IL9R: variants seen among roughly 807,000 people sequenced by gnomAD.
IL9R encodes the protein interleukin 9 receptor.
Under a neutral mutation model 56.3 loss-of-function variants are expected in IL9R, and 54 were observed. The observed-to-expected ratio is 0.96, with a 90% CI of 0.77 to 1.20. IL9R has a LOEUF of 1.20. Ranked by LOEUF, IL9R falls within the 50% of genes most tolerant of loss-of-function variation. The pLI is 0.00. For missense variants in IL9R, 545 were observed against 629.8 expected (o/e 0.87, Z 1.44); for synonymous variants, 212 against 250.2 (o/e 0.85, Z 1.44).
intron 2 of IL9R, 70 bp downstream of exon 2, chrX:156,003,089 T>G: frequency 6.3e-7 from 1 of 1,593,446 alleles, no homozygotes; most frequent in Non-Finnish European, 8.6e-7. Context: ...GACTGGGTTG[T>G]CCGATGTCAA....
intron 8 of IL9R, among the ~76,000 whole-genome samples, chrX:156,009,403 CT>C (rs2068330700): frequency 7.7e-6 from 1 of 129,340 alleles, no homozygotes; most frequent in Admixed American, 7.5e-5. Context: ...GTGTGTGTCT[CT>C]GTGTGTGTGT....
chrX:156,003,130 G>C, intron 2 of IL9R, 111 bp downstream of exon 2: 1 of 1,349,142 alleles, frequency 7.4e-7, no homozygotes, highest in Non-Finnish European at 1.1e-6. Context: ...CCCAAACTGT[G>C]CTGGGGCATG....
rs1290894435 is a variant in IL9R, at chrX:156,002,795, G to A, written c.29-111G>A. 8 of 1,470,078 alleles carry A rather than the reference G, an allele frequency of 5.4e-6. No homozygotes were observed. The Admixed American group carries it at 6.7e-5, about 12-fold the overall frequency. The allele number at this position is 1,470,078 out of a possible 1,614,324, so 91.1% of individuals were successfully genotyped here. On this transcript the variant is annotated intron_variant, in intron 1 of 8. Transcript: ENST00000244174. ...TGTGAGTGTTAGGACACAGGACACT[G>A]TGTGAGTGCAGGTGGGGACCCATGG...
At chrX:156,004,374 C>G in intron 4 of IL9R, 46 bp from the exon 5 acceptor site, 1 of 1,607,912 alleles carries the variant, frequency 6.2e-7, no homozygotes, top group Non-Finnish European at 8.5e-7. Flanking sequence ...ACTGACACAC[C>G]CAGACCCATG....
intron 5 of IL9R, 77 bp from the exon 6 acceptor site, chrX:156,005,201 A>C: frequency 2.7e-6 from 3 of 1,109,112 alleles, no homozygotes; most frequent in Non-Finnish European, 4.1e-6. Flanking sequence ...ATGAGCATAT[A>C]ATGCATGTGT....
At position 156,003,757 on chromosome X, in the gene IL9R, T is replaced by C. The variant is rs374563129; in HGVS notation, c.335T>C (p.Leu112Pro). The stretch of plus-strand genomic sequence containing the variant: ...GTCGTGCTGCCACCTGAGGCAGTGC[T>C]CGTGCCATCTGACAATTTCACCATC... ...CTVVLPPEAV[L>P]VPSDNFTITF... Residue 112 changes from leucine to proline, a missense_variant, in exon 4 of 9, where the codon CTC (leucine) becomes CCC (proline). Physicochemically the swap from Leu to Pro is moderately conservative, Grantham distance 98. Around this residue, in one of 2 missense-constraint regions of IL9R, gnomAD observed 431 missense variants for 360.0 expected, o/e 1.20. Transcript: ENST00000244174. 5.6e-6 allele frequency: 9 copies of C among 1,614,014 alleles called. No individual in the cohort carries two copies. The highest frequency in any genetic ancestry group is 7.6e-6 in the Non-Finnish European group (9 of 1,179,866).
At chrX:156,004,222 A>T in intron 4 of IL9R, 198 bp from the exon 5 acceptor site, 1 of 613,442 alleles carries the variant, frequency 1.6e-6, no homozygotes, top group South Asian at 2.0e-5. Flanking sequence ...CACCTAGTCT[A>T]GGTGCAGAGG....
chrX:156,005,407 G>T lies in IL9R; in HGVS notation c.709G>T (p.Glu237Ter). The T allele has an allele frequency of 1.2e-6, 2 of 1,613,224 alleles. No homozygotes were observed. Among genetic ancestry groups the T allele is most frequent in the Non-Finnish European group, 1.7e-6 (2 of 1,179,842 alleles). The change falls in exon 6 of 9, where the codon GAG becomes TAG. Residue 237 changes from glutamate to a stop codon, truncating the protein, a stop_gained. Transcript: ENST00000244174. LOFTEE classifies it high-confidence loss of function. ...QMATLEDDVV[E>*]EERYTGQWSE... ...GGCCACACTGGAGGATGATGTGGTA[G>T]AGGAGGAGCGTTATACAGGCCAGTG...
chrX:156,001,674 C>CT (rs111603130), intron 1 of IL9R, among the ~76,000 whole-genome samples: 152,102 of 152,102 alleles, frequency 1, 76,051 homozygotes, highest in Non-Finnish European at 1. Context: ...TTTCCTCCTC[C>CT]TATCAGTAAT....
Position 156,009,893 on chromosome X carries a change from C to T in IL9R, c.1050C>T (p.Pro350=), listed in dbSNP as rs1175510658. 1 of 1,546,032 alleles carries T rather than the reference C, an allele frequency of 6.5e-7. No homozygotes were observed. The highest frequency in any genetic ancestry group is 1.8e-5 in the African/African-American group (1 of 55,102). The part of the protein sequence containing the change: ...CAGTPQGALE[P]CVQEATALLT... Reference sequence around the variant, plus strand: ...GCACCCCACAGGGAGCCTTGGAGCCCTGCGTCCAGGAGGCCACTGCACTGC... The same window carrying T: ...GCACCCCACAGGGAGCCTTGGAGCCTTGCGTCCAGGAGGCCACTGCACTGC... Residue 350 remains proline (P), a synonymous_variant, in exon 9 of 9, where the codon CCC becomes CCT. Coordinates refer to ENST00000244174, the MANE Select transcript of IL9R (RefSeq NM_002186.3).
intron 8 of IL9R, among the ~76,000 whole-genome samples, chrX:156,009,073 CTG>C (rs1294024948): frequency 4.0e-4 from 38 of 95,814 alleles, no homozygotes; most frequent in African/African-American, 1.1e-3. Context: ...GTGTGTGTGT[CTG>C]TGTGTGTTTG....
At position 156,005,327 on chromosome X, in the gene IL9R, A is replaced by C; in HGVS notation, c.629A>C (p.Glu210Ala). The C allele has an allele frequency of 4.3e-6, 7 of 1,612,264 alleles. No individual in the cohort carries two copies. The highest frequency in any genetic ancestry group is 5.9e-6 in the Non-Finnish European group (7 of 1,179,814). Residue 210 changes from glutamate (E) to alanine (A), a missense_variant, in exon 6 of 9, where the codon GAA becomes GCA. By Grantham distance (107) the Glu-to-Ala change is moderately radical. Around this residue, in one of 2 missense-constraint regions of IL9R, gnomAD observed 431 missense variants for 360.0 expected, o/e 1.20. Coordinates refer to ENST00000244174, the MANE Select transcript of IL9R (RefSeq NM_002186.3). ...GTCGGGGTGACCTGGCTTATACTTG[A>C]AGCCTTTGAGCTGGACCCTGGCTTT... The part of the protein sequence containing the change: ...HIVGVTWLIL[E>A]AFELDPGFIH...
chrX:156,004,730 C>T (rs1484070695), intron 5 of IL9R, among the ~76,000 whole-genome samples, 165 bp downstream of exon 5: 1 of 152,004 alleles, frequency 6.6e-6, no homozygotes, highest in Non-Finnish European at 1.5e-5. Context: ...GATGTGTATG[C>T]TTTATGTGTG....
chrX:156,002,073 T>TG (rs79906758), intron 1 of IL9R, among the ~76,000 whole-genome samples: 152,252 of 152,252 alleles, frequency 1, 76,126 homozygotes, highest in Non-Finnish European at 1. Flanking sequence ...CTGGGTCTGG[T>TG]GCTCACGCCT....
At chrX:156,002,825 C>T (rs1055123494) in intron 1 of IL9R, 81 bp from the exon 2 acceptor site, 21 of 1,605,740 alleles carry the variant, frequency 1.3e-5, no homozygotes, top group Admixed American at 1.2e-4. Context: ...CCATGGAGCA[C>T]TCTGCTGGGG....
intron 2 of IL9R, 62 bp downstream of exon 2, chrX:156,003,081 C>T (rs2067652527): frequency 6.2e-7 from 1 of 1,601,496 alleles, no homozygotes; most frequent in Admixed American, 1.7e-5. Context: ...GTTTGGGGGA[C>T]TGGGTTGTCC....
At chrX:156,002,323 C>T (rs1014104104) in intron 1 of IL9R, among the ~76,000 whole-genome samples, 1 of 152,076 alleles carries the variant, frequency 6.6e-6, no homozygotes, top group African/African-American at 2.4e-5. Flanking sequence ...GCACTCTAGC[C>T]TGGGTGACAG....
Position 155,997,696 on chromosome X carries a change from G to A in IL9R, c.-64G>A. On this transcript the variant is annotated 5_prime_UTR_variant, in exon 1 of 9. Transcript: ENST00000244174. The stretch of plus-strand genomic sequence containing the variant: ...CTCCTGAATCAGGCTGAGGGTCTTT[G>A]CTGTGCACCCAGAGATAGTTGGGTG... The A allele has an allele frequency of 6.4e-7, 1 of 1,554,266 alleles. No individual in the cohort carries two copies. Among genetic ancestry groups the A allele is most frequent in the Non-Finnish European group, 8.9e-7 (1 of 1,125,564 alleles).
rs745781358 is a variant in IL9R at position 156,005,955 on chromosome X, C to T, written c.782-128C>T. The T allele has an allele frequency of 1.9e-4, 130 of 674,422 alleles. 2 individuals are homozygous for T. The Admixed American group carries it at 3.3e-3, about 17-fold the overall frequency. 41.8% of individuals were successfully genotyped at this position (674,422 alleles called of 1,614,324 possible). Reference sequence around the variant, plus strand: ...AGGTCCTTCAGCAGGTGACACAAACCTCCAAGGCCCATCACAAACCTTCCA... The same window carrying T: ...AGGTCCTTCAGCAGGTGACACAAACTTCCAAGGCCCATCACAAACCTTCCA... On this transcript the variant is annotated intron_variant, in intron 6 of 8. Coordinates refer to ENST00000244174, the MANE Select transcript of IL9R (RefSeq NM_002186.3).
Sources: gnomAD v4.1 joint callset for allele counts (sites outside exome capture counted in the v4.1 genomes callset) on GRCh38, gnomAD v4.1.1 for gene constraint, gnomAD v4.1.1 regional missense constraint, MANE v1.5 for transcripts, NCBI Gene and HGNC (gene_info 2026-07-23, HGNC 2026-07-21) for gene names.